The following ESPNL variants were observed in gnomAD, a reference collection of about 807,000 sequenced individuals.
The protein encoded by ESPNL is espin like.
In ESPNL, 49 loss-of-function variants were observed where a neutral mutation model predicts 46.8. The observed-to-expected ratio is 1.05, with a 90% CI of 0.83 to 1.33. The LOEUF is 1.33. Among genes scored for constraint, ESPNL ranks in the 40% most tolerant of loss-of-function variants. The pLI is 0.00. For missense variants in ESPNL, 1,540 were observed against 1,436.6 expected (o/e 1.07, Z -1.16); for synonymous variants, 664 against 662.1 (o/e 1.00, Z -0.04).
In ESPNL at chr2:238,130,697, G is replaced by T. The variant is rs761774347; in HGVS notation, c.1983G>T (p.Ser661=). The change falls in exon 9 of 9, where the codon TCG becomes TCT. Residue 661 remains serine (S), a synonymous_variant. Transcript: ENST00000343063. Reference sequence around the variant, plus strand: ...GGACGCTGCGGGGCAACTTCGAGTCGGCCTCTGGCCCACTCTGTGGCTTCA... The same window carrying T: ...GGACGCTGCGGGGCAACTTCGAGTCTGCCTCTGGCCCACTCTGTGGCTTCA... ...SVRTLRGNFE[S]ASGPLCGFNP... 3 of 1,564,616 alleles carry T rather than the reference G, an allele frequency of 1.9e-6. No individual in the cohort carries two copies. The highest frequency in any genetic ancestry group is 2.7e-5 in the African/African-American group (2 of 73,882).
At chr2:238,124,670 CAT>C (rs201715888) in intron 5 of ESPNL, among the ~76,000 whole-genome samples, 2,397 of 133,238 alleles carry the variant, frequency 0.018, 109 homozygotes, top group Admixed American at 0.091. Flanking sequence ...GGAGAGTGTA[CAT>C]GTGTGTGTGT....
At chr2:238,119,146 GAA>G (rs142229517) in intron 5 of ESPNL, among the ~76,000 whole-genome samples, 98,986 of 99,834 alleles carry the variant, frequency 0.99, 49,179 homozygotes, top group Admixed American at 0.99. Flanking sequence ...GATGGAGGAG[GAA>G]TGGATGGAGG....
At chr2:238,103,753 G>T (rs746487721) in intron 2 of ESPNL, among the ~76,000 whole-genome samples, 51 of 152,208 alleles carry the variant, frequency 3.4e-4, no homozygotes, top group Non-Finnish European at 6.5e-4. Context: ...AGCCCTTTGG[G>T]GCACATTCCA....
Position 238,131,200 on chromosome 2 carries a change from A to G in ESPNL, c.2486A>G (p.Gln829Arg), listed in dbSNP as rs10172220. 0.48 allele frequency: 737,123 copies of G among 1,545,518 alleles called. 177,806 individuals carry two copies. The highest frequency in any genetic ancestry group is 0.62 in the African/African-American group (45,130 of 73,202). The change falls in exon 9 of 9, where the codon CAG becomes CGG. Residue 829 changes from glutamine to arginine, a missense_variant. Transcript: ENST00000343063. ...PARQLRRLSR[Q>R]PRGALSPEQF... The stretch of plus-strand genomic sequence containing the variant: ...CGGCAGCTGCGGCGGCTGAGCCGGC[A>G]GCCCCGCGGGGCTTTGTCCCCCGAG...
chr2:238,106,158 G>A (rs565057839), intron 3 of ESPNL, among the ~76,000 whole-genome samples: 28 of 152,292 alleles, frequency 1.8e-4, no homozygotes, highest in African/African-American at 6.5e-4. Flanking sequence ...CAGGAGCTCC[G>A]TGGGTGCAGG....
At position 238,128,858 on chromosome 2, in the gene ESPNL, G is replaced by A. The variant is rs561531418; in HGVS notation, c.1367G>A (p.Arg456Gln). The change falls in exon 8 of 9, where the codon CGG (arginine) becomes CAG (glutamine). Residue 456 changes from arginine (R) to glutamine (Q), a missense_variant. Physicochemically the swap from Arg to Gln is conservative, Grantham distance 43 (BLOSUM62 1). Transcript: ENST00000343063. ...IPEWKRQVMV[R>Q]KLQARLGAES... Reference sequence around the variant, plus strand: ...GAGTGGAAGCGGCAGGTGATGGTGCGGAAGCTGCAGGCGCGCCTGGGCGCA... The same window carrying A: ...GAGTGGAAGCGGCAGGTGATGGTGCAGAAGCTGCAGGCGCGCCTGGGCGCA... The A allele has an allele frequency of 1.2e-4, 183 of 1,547,356 alleles. 2 individuals carry two copies. The South Asian group carries it at 2.0e-3, about 17-fold the overall frequency.
Position 238,116,927 on chromosome 2 carries a change from C to A in ESPNL, c.880C>A (p.His294Asn), listed in dbSNP as rs371211336. 8.1e-6 allele frequency: 13 copies of A among 1,612,566 alleles called. No homozygotes were observed. Among genetic ancestry groups the A allele is most frequent in the African/African-American group, 1.3e-5 (1 of 74,940 alleles). Residue 294 changes from histidine (H) to asparagine (N), a missense_variant, in exon 5 of 9, where the codon CAC becomes AAC. Coordinates refer to ENST00000343063, the MANE Select transcript of ESPNL (RefSeq NM_194312.4). ...MECCQTLVSH[H>N]VDPSLRDEDG... Reference sequence around the variant, plus strand: ...GTGCTGCCAGACCCTAGTCTCCCACCACGTGGACCCCTCCCTGCGGGATGA... The same window carrying A: ...GTGCTGCCAGACCCTAGTCTCCCACAACGTGGACCCCTCCCTGCGGGATGA...
intron 2 of ESPNL, among the ~76,000 whole-genome samples, chr2:238,102,436 C>T (rs1266785574): frequency 6.6e-6 from 1 of 152,148 alleles, no homozygotes; most frequent in Non-Finnish European, 1.5e-5. Context: ...AGCTCTGGCC[C>T]CACCTGGGGG....
At chr2:238,118,292 A>C (rs1439572679) in intron 5 of ESPNL, among the ~76,000 whole-genome samples, 11 of 111,860 alleles carry the variant, frequency 9.8e-5, no homozygotes, top group African/African-American at 3.3e-4. Flanking sequence ...TGGAGGAGGA[A>C]TGGATGGAGG....
chr2:238,127,612 T>TTCTTGGCAGCCATGTCCCTCAGA lies in ESPNL; in HGVS notation c.1115_1116insATCTTGGCAGCCATGTCCCTCAG. ...TGCCCTTTCTGCAACACCCTTCTTC[T>TTCTTGGCAGCCATGTCCCTCAGA]TCTTGGCAGCCATGTCCCTCAGCCC... On this transcript the variant is annotated splice_polypyrimidine_tract_variant and intron_variant, in intron 6 of 8. Coordinates refer to ENST00000343063, the MANE Select transcript of ESPNL (RefSeq NM_194312.4). The TTCTTGGCAGCCATGTCCCTCAGA allele has an allele frequency of 6.3e-7, 1 of 1,595,364 alleles. No homozygotes were observed. The highest frequency in any genetic ancestry group is 1.1e-5 in the South Asian group (1 of 87,692).
At chr2:238,124,131 C>G (rs1235318121) in intron 5 of ESPNL, among the ~76,000 whole-genome samples, 1 of 152,240 alleles carries the variant, frequency 6.6e-6, no homozygotes, top group Admixed American at 6.5e-5. Flanking sequence ...GTCCCTCCCC[C>G]TCCCACGACG....
At position 238,130,846 on chromosome 2, in the gene ESPNL, C is replaced by A; in HGVS notation, c.2132C>A (p.Ala711Asp). 1.3e-6 allele frequency: 2 copies of A among 1,551,378 alleles called. No homozygotes were observed. The highest frequency in any genetic ancestry group is 1.7e-6 in the Non-Finnish European group (2 of 1,150,082). ...GEPRPGDTEE[A>D]SDSGISCEEV... ...CCCAGGCCTGGCGACACAGAGGAGG[C>A]CAGCGACTCTGGCATCAGCTGCGAG... Residue 711 changes from alanine (A) to aspartate (D), a missense_variant, in exon 9 of 9, where the codon GCC (alanine) becomes GAC (aspartate). Physicochemically the swap from Ala to Asp is moderately radical, Grantham distance 126. Coordinates refer to ENST00000343063, the MANE Select transcript of ESPNL (RefSeq NM_194312.4).
rs991522933 is a variant in ESPNL, at chr2:238,132,802, G to A, written c.*1070G>A. ...CCAGGCTCTGGGGCTGAGGAGGGCTGGGCCCAAGCCCACAGGGACTTTGGA... is the reference window on the plus strand; with the variant it reads ...CCAGGCTCTGGGGCTGAGGAGGGCTAGGCCCAAGCCCACAGGGACTTTGGA... On this transcript the variant is annotated 3_prime_UTR_variant, in exon 9 of 9. Transcript: ENST00000343063. 1.3e-5 allele frequency: 2 copies of A among 152,360 alleles called. No individual in the cohort carries two copies. Among genetic ancestry groups the A allele is most frequent in the African/African-American group, 4.8e-5 (2 of 41,456 alleles). 9.4% of individuals were successfully genotyped at this position (152,360 alleles called of 1,614,324 possible).
rs1339572829 is a variant in ESPNL, at chr2:238,130,506, C to T, written c.1792C>T (p.Arg598Cys). 7 of 1,597,806 alleles carry T rather than the reference C, an allele frequency of 4.4e-6. No individual in the cohort carries two copies. Among genetic ancestry groups the T allele is most frequent in the East Asian group, 4.5e-5 (2 of 44,260 alleles). ...PLPFWCSHISRLVRSLSLLLK... is the reference protein window; with the variant it reads ...PLPFWCSHISCLVRSLSLLLK... ...GCCCTTCTGGTGCAGCCACATCTCC[C>T]GCCTGGTACGCAGCCTGTCCCTGCT... The change falls in exon 9 of 9, where the codon CGC (arginine) becomes TGC (cysteine). Residue 598 changes from arginine to cysteine, a missense_variant. Physicochemically the swap from Arg to Cys is radical, Grantham distance 180. Transcript: ENST00000343063.
intron 2 of ESPNL, among the ~76,000 whole-genome samples, chr2:238,104,345 G>T (rs572291796): frequency 2.6e-5 from 4 of 152,340 alleles, no homozygotes; most frequent in East Asian, 1.9e-4. Flanking sequence ...GGAGTCGGGG[G>T]TCAATCCTGG....
In ESPNL at chr2:238,125,346, A is replaced by C. The variant is rs2106476492; in HGVS notation, c.1064A>C (p.Asp355Ala). 6.4e-7 allele frequency: 1 copy of C among 1,573,360 alleles called. No individual in the cohort carries two copies. The highest frequency in any genetic ancestry group is 1.2e-5 in the South Asian group (1 of 84,978). Residue 355 changes from aspartate to alanine, a missense_variant, in exon 6 of 9, where the codon GAT becomes GCT. Coordinates refer to ENST00000343063, the MANE Select transcript of ESPNL (RefSeq NM_194312.4). ...PLLATRRSLE[D>A]GRRGGPGPGN... The stretch of plus-strand genomic sequence containing the variant: ...TTGGCCACGAGGCGCTCCCTGGAGG[A>C]TGGAAGAAGAGGAGGCCCAGGGCCA...
intron 6 of ESPNL, among the ~76,000 whole-genome samples, chr2:238,125,938 TACAC>T (rs1181845217): frequency 6.6e-6 from 1 of 152,188 alleles, no homozygotes; most frequent in Non-Finnish European, 1.5e-5. Context: ...CTGTGTGTGA[TACAC>T]ATAGATACGG....
At chr2:238,107,141 G>GC (rs1195638458) in intron 3 of ESPNL, among the ~76,000 whole-genome samples, 2 of 152,346 alleles carry the variant, frequency 1.3e-5, no homozygotes, top group East Asian at 3.9e-4. Flanking sequence ...GCAGGCCCAG[G>GC]CCCCATGTCT....
intron 8 of ESPNL, chr2:238,129,189 C>T: frequency 1.5e-6 from 2 of 1,354,950 alleles, no homozygotes; most frequent in Non-Finnish European, 1.9e-6. Flanking sequence ...CTAGGCCTTC[C>T]TGGGCGCAGC....
Sources: gnomAD v4.1 joint callset for allele counts (sites outside exome capture counted in the v4.1 genomes callset) on GRCh38, gnomAD v4.1.1 for gene constraint, MANE v1.5 for transcripts, NCBI Gene and HGNC (gene_info 2026-07-23, HGNC 2026-07-21) for gene names.